MACIR: variants seen among roughly 807,000 people sequenced by gnomAD.
The protein encoded by MACIR is UNC119-binding protein C5orf30.
MACIR carries 4 observed loss-of-function variants against 14.3 expected under a neutral mutation model. The observed-to-expected ratio is 0.28, with a 90% CI of 0.14 to 0.64. The LOEUF (loss-of-function observed/expected upper bound fraction) is 0.64. MACIR is among the 30% of genes least tolerant of loss of function. MACIR has a pLI of 0.83. For synonymous variants in MACIR, 101 were observed against 102.4 expected, an observed-to-expected ratio of 0.99 and a Z score of 0.08; for missense variants, 228 against 257.6, an observed-to-expected ratio of 0.89 and a Z score of 0.79.
intron 2 of MACIR, among the ~76,000 whole-genome samples, chr5:103,274,754 A>G (rs1235410639): frequency 6.6e-6 from 1 of 152,118 alleles, no homozygotes; most frequent in Non-Finnish European, 1.5e-5. Flanking sequence ...TAGTGAGAAG[A>G]TTCGTAAGAG....
intron 1 of MACIR, among the ~76,000 whole-genome samples, chr5:103,265,102 A>T (rs1804876634): frequency 6.6e-6 from 1 of 152,092 alleles, no homozygotes; most frequent in Non-Finnish European, 1.5e-5. Flanking sequence ...ATAAAGATAG[A>T]TTCTCTTACA....
intron 1 of MACIR, among the ~76,000 whole-genome samples, chr5:103,263,199 A>ACCTCCTCCT (rs1192451453): frequency 1.4e-5 from 2 of 141,616 alleles, no homozygotes; most frequent in South Asian, 2.2e-4. Flanking sequence ...TTCACCATAT[A>ACCTCCTCCT]CCTCCTCCTC....
chr5:103,272,988 C>T (rs1805190819), intron 2 of MACIR, among the ~76,000 whole-genome samples: 1 of 152,142 alleles, frequency 6.6e-6, no homozygotes, highest in African/African-American at 2.4e-5. Context: ...CACATAGCAG[C>T]TATATATATT....
At position 103,263,199 on chromosome 5, in the gene MACIR, ACCTCCT is replaced by A. The variant is rs1192451453; in HGVS notation, c.-113-2687_-113-2682del. On this transcript the variant is annotated intron_variant, in intron 1 of 2. Transcript: ENST00000319933. ...TATTTTTCCCTCTTTTTCACCATAT[ACCTCCT>A]CCTCCTCCTCCTCCTCCTCCTGCTC... Among the ~76,000 whole-genome samples, 42 of 141,702 alleles carry A rather than the reference ACCTCCT, an allele frequency of 3.0e-4. 1 individual carries two copies. The highest frequency in any genetic ancestry group is 7.0e-4 in the African/African-American group (27 of 38,564). The allele number at this position is 141,702 out of a possible 152,430, so 93.0% of individuals were successfully genotyped here. A position where few individuals can be genotyped will look rare whatever the true frequency, so the allele number is the denominator to read the frequency against.
chr5:103,264,204 T>C (rs1271672539), intron 1 of MACIR, among the ~76,000 whole-genome samples: 1 of 152,164 alleles, frequency 6.6e-6, no homozygotes, highest in African/African-American at 2.4e-5. Flanking sequence ...AAATGATCTT[T>C]GGAGTCAGAC....
At chr5:103,263,240 C>CTCCTCCTGCTCT (rs782355077) in intron 1 of MACIR, among the ~76,000 whole-genome samples, 38,053 of 150,404 alleles carry the variant, frequency 0.25, 5,204 homozygotes, top group Non-Finnish European at 0.32. Context: ...CTTCCTCCTC[C>CTCCTCCTGCTCT]TCCTCCTGCT....
intron 1 of MACIR, among the ~76,000 whole-genome samples, chr5:103,265,689 CAG>C (rs1250288126): frequency 6.6e-6 from 1 of 152,094 alleles, no homozygotes; most frequent in African/African-American, 2.4e-5. Context: ...ATTTAAGTAA[CAG>C]AGTACAGAGA....
rs180846284 is a variant in MACIR at position 103,266,088 on chromosome 5, G to A, written c.-24+91G>A. The A allele has an allele frequency of 4.6e-5, 7 of 152,230 alleles. No individual in the cohort carries two copies. In the Middle Eastern group the frequency reaches 0.014, roughly 296 times the overall value. 9.4% of individuals were successfully genotyped at this position (152,230 alleles called of 1,614,324 possible). A position where few individuals can be genotyped will look rare whatever the true frequency, so the allele number is the denominator to read the frequency against. On this transcript the variant is annotated intron_variant, in intron 2 of 2. Coordinates refer to ENST00000319933, the MANE Select transcript of MACIR (RefSeq NM_033211.4). ...TTAAAGACTACATAAATAAACAAGT[G>A]AATGTGAAATGTCAGTTAATCAAGT...
In MACIR at chr5:103,271,559, T is replaced by G. The variant is rs540677313; in HGVS notation, c.-23-4338T>G. On this transcript the variant is annotated intron_variant, in intron 2 of 2. Transcript: ENST00000319933. ...GTTACCTTTGTCTGATGTCATCTAG[T>G]TGGATCCACGTAAATTTCAGCAATA... Among the ~76,000 whole-genome samples, 9 of 152,268 alleles carry G rather than the reference T, an allele frequency of 5.9e-5. No homozygotes were observed. The South Asian group carries it at 1.9e-3, about 32-fold the overall frequency.
rs183512391 is a variant in MACIR, at chr5:103,276,356, A to T, written c.437A>T (p.Tyr146Phe). Residue 146 changes from tyrosine to phenylalanine, a missense_variant, in exon 3 of 3, where the codon TAC becomes TTC. Physicochemically the swap from Tyr to Phe is conservative, Grantham distance 22 (BLOSUM62 3). Transcript: ENST00000319933. ...KCTKSLPYEP[Y>F]KALHGPLPLC... ...ACTAAATCTTTACCTTATGAACCTT[A>T]CAAGGCCCTCCATGGGCCTCTGCCT... 2 of 1,613,512 alleles carry T rather than the reference A, an allele frequency of 1.2e-6. No individual in the cohort carries two copies. Among genetic ancestry groups the T allele is most frequent in the Non-Finnish European group, 1.7e-6 (2 of 1,179,914 alleles).
chr5:103,259,290 G>T (rs1347633813), intron 1 of MACIR: 2 of 152,078 alleles, frequency 1.3e-5, no homozygotes, highest in Non-Finnish European at 2.9e-5. Flanking sequence ...GAGTGTGCGG[G>T]GGCGTGCGCC....
intron 1 of MACIR, among the ~76,000 whole-genome samples, chr5:103,261,125 C>CT (rs1804666777): frequency 1.3e-5 from 2 of 152,238 alleles, no homozygotes; most frequent in African/African-American, 4.8e-5. Flanking sequence ...GAGTGCTGCA[C>CT]TTTAAGGGGG....
chr5:103,274,373 A>G (rs1405471461), intron 2 of MACIR, among the ~76,000 whole-genome samples: 2 of 150,410 alleles, frequency 1.3e-5, no homozygotes, highest in Non-Finnish European at 3.0e-5. Context: ...AATAATATAA[A>G]TAAAAATATT....
intron 1 of MACIR, among the ~76,000 whole-genome samples, chr5:103,263,339 G>A (rs1288939519): frequency 6.6e-6 from 1 of 152,056 alleles, no homozygotes; most frequent in Admixed American, 6.5e-5. Flanking sequence ...GTTTTCTTGT[G>A]TTGCTCCCTT....
intron 2 of MACIR, among the ~76,000 whole-genome samples, chr5:103,270,490 A>G (rs1265524692): frequency 6.6e-6 from 1 of 152,194 alleles, no homozygotes; most frequent in Admixed American, 6.5e-5. Flanking sequence ...TTTGCCATTT[A>G]TAGTACATCA....
At chr5:103,259,111 TGGGCGGCG>T (rs1804562935) in intron 1 of MACIR, 2 of 152,062 alleles carry the variant, frequency 1.3e-5, no homozygotes, top group African/African-American at 2.4e-5. Context: ...GCTTCTGCGA[TGGGCGGCG>T]GGGCGGCCCC....
intron 2 of MACIR, among the ~76,000 whole-genome samples, chr5:103,271,955 A>G (rs1805145790): frequency 6.6e-6 from 1 of 152,186 alleles, no homozygotes; most frequent in Non-Finnish European, 1.5e-5. Flanking sequence ...CTCTGGAATG[A>G]AGCAGTTGGC....
At chr5:103,273,042 C>T (rs1467899293) in intron 2 of MACIR, among the ~76,000 whole-genome samples, 15 of 152,210 alleles carry the variant, frequency 9.9e-5, no homozygotes, top group Non-Finnish European at 2.1e-4. Context: ...GACTCTCCCG[C>T]AGGAATCTCC....
intron 2 of MACIR, among the ~76,000 whole-genome samples, chr5:103,266,301 T>TA: frequency 6.6e-6 from 1 of 152,272 alleles, no homozygotes; most frequent in South Asian, 2.1e-4. Context: ...GTATAGTAGT[T>TA]AGAGGTAACT....
Sources: gnomAD v4.1 joint callset for allele counts (sites outside exome capture counted in the v4.1 genomes callset) on GRCh38, gnomAD v4.1.1 for gene constraint, MANE v1.5 for transcripts, NCBI Gene and HGNC (gene_info 2026-07-23, HGNC 2026-07-21) for gene names.